PRIM2: variants seen among roughly 807,000 people sequenced by gnomAD.
PRIM2 encodes DNA primase subunit 2.
In PRIM2, 39 loss-of-function variants were observed where a neutral mutation model predicts 67.3. The ratio of observed to expected loss-of-function variants is 0.58; its 90% confidence interval spans 0.45 to 0.76. PRIM2 has a LOEUF of 0.76. PRIM2 is among the 30% of genes least tolerant of loss of function. PRIM2 has a pLI of 0.00. For synonymous variants in PRIM2, 143 were observed against 198.7 expected, an observed-to-expected ratio of 0.72 and a Z score of 2.36; for missense variants, 398 against 598.7, an observed-to-expected ratio of 0.66 and a Z score of 3.50.
At chr6:57,240,966 T>C in the PRIM2 span, among the ~76,000 whole-genome samples, 162 of 151,990 alleles carry the variant, frequency 1.1e-3, 2 homozygotes, top group African/African-American at 3.7e-3. Flanking sequence ...GACTCAAGCC[T>C]GTAATCCCAG....
chr6:57,459,968 G>A (rs1772945318), intron 7 of PRIM2, among the ~76,000 whole-genome samples: 1 of 152,182 alleles, frequency 6.6e-6, no homozygotes, highest in African/African-American at 2.4e-5. Flanking sequence ...GAGGGTGTGA[G>A]GGGCACAGAG....
At chr6:57,489,518 C>G (rs1438384921) in intron 7 of PRIM2, among the ~76,000 whole-genome samples, 1 of 152,130 alleles carries the variant, frequency 6.6e-6, no homozygotes, top group African/African-American at 2.4e-5. Flanking sequence ...GATCGTTCCA[C>G]TGCACTCCAG....
intron 7 of PRIM2, among the ~76,000 whole-genome samples, chr6:57,423,135 G>C (rs1177190321): frequency 6.6e-6 from 1 of 151,924 alleles, no homozygotes; most frequent in African/African-American, 2.4e-5. Flanking sequence ...CAGTTGACTT[G>C]GTAGCCTATC....
chr6:57,646,024 A>G lies in PRIM2; in HGVS notation c.1396A>G (p.Ile466Val). ...NGGKDIKKEP[I>V]QPETPQPKPS... ...TGGTAAAGACATAAAGAAGGAACCT[A>G]TCCAACCAGAAACTCCTCAACCCAA... The change falls in exon 14 of 14, where the codon ATC (isoleucine) becomes GTC (valine). Residue 466 changes from isoleucine (I) to valine (V), a missense_variant. Transcript: ENST00000615550. 1.9e-6 allele frequency: 3 copies of G among 1,603,284 alleles called. No homozygotes were observed. Among genetic ancestry groups the G allele is most frequent in the Non-Finnish European group, 2.6e-6 (3 of 1,170,208 alleles).
chr6:57,646,355 C>G lies in PRIM2; in HGVS notation c.*197C>G. 5.4e-6 allele frequency: 3 copies of G among 555,524 alleles called. No homozygotes were observed. The highest frequency in any genetic ancestry group is 9.5e-6 in the Non-Finnish European group (3 of 315,476). The allele number at this position is 555,524 out of a possible 1,614,324, so 34.4% of individuals were successfully genotyped here. Reference sequence around the variant, plus strand: ...AAGTAGTTAGGACCACAGGTGTGCACCTCATATCCAGATAATTTTTTTCAA... The same window carrying G: ...AAGTAGTTAGGACCACAGGTGTGCAGCTCATATCCAGATAATTTTTTTCAA... On this transcript the variant is annotated 3_prime_UTR_variant, in exon 14 of 14. Coordinates refer to ENST00000615550, the MANE Select transcript of PRIM2 (RefSeq NM_000947.5).
intron 7 of PRIM2, among the ~76,000 whole-genome samples, chr6:57,437,697 A>C (rs1772058382): frequency 7.4e-6 from 1 of 135,952 alleles, no homozygotes; most frequent in East Asian, 2.1e-4. Flanking sequence ...ACAGGGTCTT[A>C]CTCTGTCATT....
Position 57,627,205 on chromosome 6 carries a change from G to A in PRIM2, c.1231-4928G>A, listed in dbSNP as rs1467888163. On this transcript the variant is annotated intron_variant, in intron 12 of 13. Transcript: ENST00000615550. ...TGAGGCAGGAGAATCACTTGAACCC[G>A]GGAGGTGGAGGTTGTAGTGAGCCGA... 2.1e-3 allele frequency among the ~76,000 whole-genome samples: 304 copies of A among 142,158 alleles called. 1 individual carries two copies. The highest frequency in any genetic ancestry group is 7.6e-3 in the African/African-American group (292 of 38,224). The allele number at this position is 142,158 out of a possible 152,430, so 93.3% of individuals were successfully genotyped here.
chr6:57,474,173 C>CTTTTTTTTTTTT lies in PRIM2; in HGVS notation c.694-33195_694-33184dup, dbSNP rs1158188964. Among the ~76,000 whole-genome samples the CTTTTTTTTTTTT allele has an allele frequency of 6.3e-5, 4 of 63,914 alleles. 2 individuals are homozygous for CTTTTTTTTTTTT. Among genetic ancestry groups the CTTTTTTTTTTTT allele is most frequent in the African/African-American group, 1.3e-4 (2 of 15,164 alleles). The allele number at this position is 63,914 out of a possible 152,430, so 41.9% of individuals were successfully genotyped here. A position where few individuals can be genotyped will look rare whatever the true frequency, so the allele number is the denominator to read the frequency against. On this transcript the variant is annotated intron_variant, in intron 7 of 13. Coordinates refer to ENST00000615550, the MANE Select transcript of PRIM2 (RefSeq NM_000947.5). Reference sequence around the variant, plus strand: ...TCTACTTTTTCTGCAATTCTGCTATCTTTTTTTTTTTTTTTTTTTTTTTTT... The same window carrying CTTTTTTTTTTTT: ...TCTACTTTTTCTGCAATTCTGCTATCTTTTTTTTTTTTTTTTTTTTTTTTTTTTTTTTTTTTT...
At chr6:57,232,087 CT>C in the PRIM2 span, among the ~76,000 whole-genome samples, 2 of 152,070 alleles carry the variant, frequency 1.3e-5, no homozygotes, top group Admixed American at 1.3e-4. Context: ...CCAAAGATTT[CT>C]TTTTTTCAAG....
At chr6:57,523,978 C>G (rs1279977743) in intron 8 of PRIM2, among the ~76,000 whole-genome samples, 2 of 151,852 alleles carry the variant, frequency 1.3e-5, no homozygotes, top group African/African-American at 4.8e-5. Context: ...TCAGATTTAT[C>G]CTTTTATATA....
intron 10 of PRIM2, among the ~76,000 whole-genome samples, chr6:57,582,565 G>A (rs1411007688): frequency 2.0e-3 from 299 of 152,238 alleles, no homozygotes; most frequent in African/African-American, 6.9e-3. Flanking sequence ...TGAGTGACTT[G>A]TTAGAGTTAC....
At chr6:57,642,568 G>A (rs1413125282) in intron 13 of PRIM2, among the ~76,000 whole-genome samples, 12 of 145,582 alleles carry the variant, frequency 8.2e-5, no homozygotes, top group African/African-American at 2.5e-4. Flanking sequence ...TCAGCCTCCC[G>A]TGTAGCTGGG....
intron 7 of PRIM2, among the ~76,000 whole-genome samples, chr6:57,476,415 A>G (rs1197821820): frequency 1.3e-5 from 2 of 152,234 alleles, no homozygotes; most frequent in Non-Finnish European, 2.9e-5. Flanking sequence ...TAAGCTTTAC[A>G]TAAATACCAA....
chr6:57,340,366 A>C (rs1471967012), intron 5 of PRIM2, among the ~76,000 whole-genome samples: 2 of 152,310 alleles, frequency 1.3e-5, no homozygotes, highest in East Asian at 3.9e-4. Flanking sequence ...GTATATACCC[A>C]AAGGACTATA....
At chr6:57,309,139 CT>C in the PRIM2 span, among the ~76,000 whole-genome samples, 347 of 142,214 alleles carry the variant, frequency 2.4e-3, no homozygotes, top group African/African-American at 4.3e-3. Flanking sequence ...GGTGATGACT[CT>C]TTTTTTTTTT....
At chr6:57,311,205 G>C (rs1287046031), upstream of PRIM2, among the ~76,000 whole-genome samples, 1 of 147,014 alleles carries the variant, frequency 6.8e-6, no homozygotes, top group Non-Finnish European at 1.5e-5. Flanking sequence ...CCTCCCAGAC[G>C]GGGCGGCCGG....
chr6:57,237,288 T>A, the PRIM2 span, among the ~76,000 whole-genome samples: 2 of 152,354 alleles, frequency 1.3e-5, no homozygotes, highest in South Asian at 4.1e-4. Context: ...TAAATTTGTT[T>A]GAGTTCATTG....
At chr6:57,595,743 A>G (rs1190261201) in intron 10 of PRIM2, among the ~76,000 whole-genome samples, 8 of 152,224 alleles carry the variant, frequency 5.3e-5, no homozygotes, top group Non-Finnish European at 7.3e-5. Flanking sequence ...AGGAAGCGGC[A>G]TGGACCTTCC....
intron 5 of PRIM2, among the ~76,000 whole-genome samples, chr6:57,348,055 A>G (rs1372318738): frequency 2.6e-5 from 4 of 152,024 alleles, no homozygotes; most frequent in Non-Finnish European, 2.9e-5. Flanking sequence ...TTTAGCTGAC[A>G]GTTGTTGGCA....
Sources: allele counts gnomAD v4.1 joint callset (sites outside exome capture counted in the v4.1 genomes callset), GRCh38; gene constraint gnomAD v4.1.1; transcripts MANE v1.5; gene names NCBI Gene and HGNC (gene_info 2026-07-23, HGNC 2026-07-21).